GRIN2A: variants seen among roughly 807,000 people sequenced by gnomAD.
GRIN2A encodes glutamate receptor ionotropic, NMDA 2A.
GRIN2A carries 22 observed loss-of-function variants against 113.4 expected under a neutral mutation model. The ratio of observed to expected loss-of-function variants is 0.19; its 90% CI spans 0.14 to 0.28. GRIN2A has a LOEUF of 0.28. Among genes scored for constraint, GRIN2A ranks in the 10% least tolerant of loss-of-function variants. The pLI is 1.00. For synonymous variants in GRIN2A, 827 were observed against 738.4 expected (o/e 1.12, Z -1.94); for missense variants, 1,502 against 1,887.0 (o/e 0.80, Z 3.78).
chr16:9,978,431 G>C (rs2045819050), intron 2 of GRIN2A, among the ~76,000 whole-genome samples: 1 of 152,130 alleles, frequency 6.6e-6, no homozygotes, highest in Non-Finnish European at 1.5e-5. Context: ...AGTATGGAAG[G>C]TGGTTAGTAC....
At chr16:10,044,918 A>C (rs1008294743) in intron 2 of GRIN2A, among the ~76,000 whole-genome samples, 3 of 152,154 alleles carry the variant, frequency 2.0e-5, no homozygotes, top group Non-Finnish European at 4.4e-5. Context: ...ACTGTGATCT[A>C]TTTAGTCAAG....
chr16:9,934,705 AGG>A (rs1245365716), intron 3 of GRIN2A, among the ~76,000 whole-genome samples: 9 of 146,638 alleles, frequency 6.1e-5, no homozygotes, highest in Admixed American at 2.0e-4. Context: ...AAAAAAAAAA[AGG>A]AGATATAATC....
intron 3 of GRIN2A, among the ~76,000 whole-genome samples, chr16:9,900,701 T>C (rs1033226081): frequency 1.3e-5 from 2 of 152,218 alleles, no homozygotes; most frequent in African/African-American, 4.8e-5. Context: ...CAGGCTGCTC[T>C]TGGAACCTGG....
chr16:9,997,307 G>A (rs1474457383), intron 2 of GRIN2A, among the ~76,000 whole-genome samples: 1 of 152,152 alleles, frequency 6.6e-6, no homozygotes. Flanking sequence ...CACTCCCAAT[G>A]TTCCCACTCC....
rs146199312 is a variant in GRIN2A, at chr16:9,763,012, C to CCAA, written c.*134_*136dup. The CCAA allele has an allele frequency of 1.4e-4, 120 of 848,480 alleles. No individual in the cohort carries two copies. Among genetic ancestry groups the CCAA allele is most frequent in the African/African-American group, 1.0e-3 (61 of 59,618 alleles). 52.6% of individuals were successfully genotyped at this position (848,480 alleles called of 1,614,324 possible). A position where few individuals can be genotyped will look rare whatever the true frequency, so the allele number is the denominator to read the frequency against. ...TGGCATGAAGCCGTGTGCAAAAGAG[C>CCAA]CAACAACAACAACAACAAAATACCT... On this transcript the variant is annotated 3_prime_UTR_variant, in exon 13 of 13. Coordinates refer to ENST00000330684, the MANE Select transcript of GRIN2A (RefSeq NM_001134407.3).
At chr16:9,982,792 A>T (rs755014237) in intron 2 of GRIN2A, among the ~76,000 whole-genome samples, 2 of 152,116 alleles carry the variant, frequency 1.3e-5, no homozygotes, top group Non-Finnish European at 2.9e-5. Context: ...GTGACAAGAC[A>T]CTCTAGGAAG....
At chr16:9,784,453 AC>A (rs1235135586) in intron 11 of GRIN2A, among the ~76,000 whole-genome samples, 20 of 149,272 alleles carry the variant, frequency 1.3e-4, no homozygotes, top group Non-Finnish European at 1.9e-4. Flanking sequence ...AAAAAAAAAA[AC>A]AAACAAACAA....
chr16:9,973,041 G>A (rs866311438), intron 2 of GRIN2A, among the ~76,000 whole-genome samples: 1 of 152,188 alleles, frequency 6.6e-6, no homozygotes, highest in African/African-American at 2.4e-5. Context: ...GTTCCTGGGT[G>A]GGGGCCACAA....
Position 9,758,221 on chromosome 16 carries a change from A to C in GRIN2A, c.*4928T>G. ...ACTGAAAGTACTGCTGGGCACAGAA[A>C]GAGTGCAGGTGAGGAAAGAGGATAA... On this transcript the variant is annotated 3_prime_UTR_variant, in exon 13 of 13. Coordinates refer to ENST00000330684, the MANE Select transcript of GRIN2A (RefSeq NM_001134407.3). The C allele has an allele frequency of 4.5e-6, 1 of 222,206 alleles. No homozygotes were observed. Among genetic ancestry groups the C allele is most frequent in the Non-Finnish European group, 9.0e-6 (1 of 111,030 alleles). 13.8% of individuals were successfully genotyped at this position (222,206 alleles called of 1,614,324 possible).
chr16:10,109,035 A>C (rs2048557178), intron 2 of GRIN2A, among the ~76,000 whole-genome samples: 1 of 124,598 alleles, frequency 8.0e-6, no homozygotes, highest in Non-Finnish European at 1.6e-5. Context: ...AAAAAAAAAA[A>C]CAAAATTGAT....
chr16:10,008,823 A>T (rs2046451944), intron 2 of GRIN2A, among the ~76,000 whole-genome samples: 1 of 152,236 alleles, frequency 6.6e-6, no homozygotes, highest in Non-Finnish European at 1.5e-5. Context: ...GTACCAACAA[A>T]TAATAATTTG....
chr16:9,763,904 A>C lies in GRIN2A; in HGVS notation c.3640T>G (p.Cys1214Gly), dbSNP rs754121731. 1.2e-6 allele frequency: 2 copies of C among 1,614,138 alleles called. No individual in the cohort carries two copies. The highest frequency in any genetic ancestry group is 3.3e-5 in the Admixed American group (2 of 60,022). The change falls in exon 13 of 13, where the codon TGC (cysteine) becomes GGC (glycine). Residue 1214 changes from cysteine to glycine, a missense_variant. By Grantham distance (159) the Cys-to-Gly change is radical. This residue lies in a region of GRIN2A where 832 missense variants were observed against 789.7 expected (regional missense o/e 1.05). Transcript: ENST00000330684. The stretch of plus-strand genomic sequence containing the variant: ...GGCATGTTGGAAAGGCAGCTTCTGC[A>C]GTGCGTGGAGTTCTGCCGGTATCGC... ...SERYRQNSTHCRSCLSNMPTY... is the reference protein window; with the variant it reads ...SERYRQNSTHGRSCLSNMPTY...
chr16:9,807,379 GGGGAGGGAGAGAGGGAGGGA>G (rs2042001314), intron 10 of GRIN2A, among the ~76,000 whole-genome samples: 2 of 77,026 alleles, frequency 2.6e-5, no homozygotes, highest in Non-Finnish European at 2.6e-5. Flanking sequence ...GGAGGGAGAG[GGGGAGGGAGAGAGGGAGGGA>G]GGGAGGGAGA....
intron 2 of GRIN2A, among the ~76,000 whole-genome samples, chr16:10,080,913 T>C (rs978220568): frequency 1.3e-5 from 2 of 152,152 alleles, no homozygotes; most frequent in African/African-American, 4.8e-5. Flanking sequence ...TTCATTCCCG[T>C]CTCAAATGTT....
At chr16:9,801,772 C>G (rs553479264) in intron 10 of GRIN2A, among the ~76,000 whole-genome samples, 14 of 152,280 alleles carry the variant, frequency 9.2e-5, no homozygotes, top group African/African-American at 2.9e-4. Flanking sequence ...GGTGGTCATG[C>G]TGTCAGAGGG....
rs150024643 is a variant in GRIN2A, at chr16:10,065,881, C to T, written c.414+114117G>A. Among the ~76,000 whole-genome samples, 12 of 152,284 alleles carry T rather than the reference C, an allele frequency of 7.9e-5. No homozygotes were observed. In the East Asian group the frequency reaches 2.3e-3, roughly 29 times the overall value. On this transcript the variant is annotated intron_variant, in intron 2 of 12. Transcript: ENST00000330684. ...CGCTTAACATGGTTTGGTCATTCCT[C>T]CCACGGTCTCAGGGTGATAGATACT...
intron 10 of GRIN2A, among the ~76,000 whole-genome samples, chr16:9,801,834 A>G (rs1369725385): frequency 6.6e-6 from 1 of 152,182 alleles, no homozygotes; most frequent in African/African-American, 2.4e-5. Context: ...CCTGACTGTC[A>G]TCTTAGGGCC....
chr16:9,846,429 T>C (rs930750309), intron 5 of GRIN2A, among the ~76,000 whole-genome samples: 1 of 152,196 alleles, frequency 6.6e-6, no homozygotes, highest in African/African-American at 2.4e-5. Context: ...ACAATACATT[T>C]AGCAATCACA....
rs1271688727 is a variant in GRIN2A at position 9,994,905 on chromosome 16, T to A, written c.415-56354A>T. Among the ~76,000 whole-genome samples the A allele has an allele frequency of 2.0e-5, 3 of 152,250 alleles. No individual in the cohort carries two copies. In the South Asian group the frequency reaches 6.2e-4, roughly 32 times the overall value. Reference sequence around the variant, plus strand: ...CAAACAAACATACAACCTCATTTCATCTGGTTTTAAGGGTTAACAAGCAAA... The same window carrying A: ...CAAACAAACATACAACCTCATTTCAACTGGTTTTAAGGGTTAACAAGCAAA... On this transcript the variant is annotated intron_variant, in intron 2 of 12. Transcript: ENST00000330684.
Sources: gnomAD v4.1 joint callset for allele counts (sites outside exome capture counted in the v4.1 genomes callset) on GRCh38, gnomAD v4.1.1 for gene constraint, gnomAD v4.1.1 regional missense constraint, MANE v1.5 for transcripts, NCBI Gene and HGNC (gene_info 2026-07-23, HGNC 2026-07-21) for gene names.